TBC1D16: variants seen among roughly 807,000 people sequenced by gnomAD.
TBC1D16 encodes CTD-2529O21.1.
A neutral mutation model predicts 74.7 loss-of-function variants in TBC1D16; 58 were observed. That is an observed-to-expected ratio of 0.78 (90% CI 0.63 to 0.97). The LOEUF (loss-of-function observed/expected upper bound fraction) is 0.97, where lower values mean the gene tolerates loss of function less well. TBC1D16 is among the 50% of genes least tolerant of loss of function. TBC1D16 has a pLI of 0.00. For missense variants in TBC1D16, 1,014 were observed against 1,079.5 expected, an observed-to-expected ratio of 0.94 and a Z score of 0.85; for synonymous variants, 493 against 474.7, an observed-to-expected ratio of 1.04 and a Z score of -0.50.
rs568876395 is a variant in TBC1D16 at position 79,973,043 on chromosome 17, C to T, written c.780-20225G>A. ...GTTGCAGTGAGCCGAGATCGTCCTG[C>T]TACATTCCAGCCTGGGCAACAGAGC... is the stretch of plus-strand genomic sequence containing the variant. On this transcript the variant is annotated intron_variant, in intron 3 of 11. Transcript: ENST00000310924. 3.3e-5 allele frequency among the ~76,000 whole-genome samples: 5 copies of T among 152,302 alleles called. No individual in the cohort carries two copies. In the East Asian group the frequency reaches 7.7e-4, roughly 24 times the overall value.
rs1285633386 is a variant in TBC1D16 at position 80,013,381 on chromosome 17, C to T, written c.167G>A (p.Gly56Glu). 9.3e-6 allele frequency: 15 copies of T among 1,606,614 alleles called. No homozygotes were observed. The highest frequency in any genetic ancestry group is 1.7e-5 in the Admixed American group (1 of 59,188). The change falls in exon 2 of 12, where the codon GGG becomes GAG. Residue 56 changes from glycine (G) to glutamate (E), a missense_variant. Gly to Glu is a moderately conservative substitution (Grantham distance 98, BLOSUM62 -2). Transcript: ENST00000310924. Reference sequence around the variant, plus strand: ...CCCTGGCTCACCTGGGTGGTGCTCCCCCAGCCCCTGCAGCCCCTCCGGCGG... The same window carrying T: ...CCCTGGCTCACCTGGGTGGTGCTCCTCCAGCCCCTGCAGCCCCTCCGGCGG... ...VHPPEGLQGL[G>E]EHHPGYLCLY...
At chr17:80,006,652 TTTTC>T (rs1411437753) in intron 3 of TBC1D16, among the ~76,000 whole-genome samples, 9 of 151,572 alleles carry the variant, frequency 5.9e-5, no homozygotes, top group South Asian at 2.1e-4. Context: ...CTGCTTTTCT[TTTTC>T]TTTCTTTCTT....
At chr17:79,978,456 C>T (rs1034393570) in intron 3 of TBC1D16, among the ~76,000 whole-genome samples, 4 of 138,696 alleles carry the variant, frequency 2.9e-5, no homozygotes, top group Admixed American at 7.1e-5. Flanking sequence ...GCCGTGGGGG[C>T]GGGGTGGGGG....
At position 79,971,039 on chromosome 17, in the gene TBC1D16, T is replaced by C. The variant is rs1462469723; in HGVS notation, c.780-18221A>G. On this transcript the variant is annotated intron_variant, in intron 3 of 11. Coordinates refer to ENST00000310924, the MANE Select transcript of TBC1D16 (RefSeq NM_019020.4). This position sits in a 1 kb window ranked among gnomAD's most constrained non-coding sequence, Gnocchi z 4.6. ...CTGTATTTTTATTTTTTATTTTTTT[T>C]TGAGATGGAGTCTGTCTCCATTGCC... Among the ~76,000 whole-genome samples the C allele has an allele frequency of 6.6e-6, 1 of 151,940 alleles. No individual in the cohort carries two copies. Among genetic ancestry groups the C allele is most frequent in the African/African-American group, 2.4e-5 (1 of 41,362 alleles).
rs571572262 is a variant in TBC1D16 at position 79,952,906 on chromosome 17, A to G, written c.780-88T>C. 6.1e-6 allele frequency: 9 copies of G among 1,475,454 alleles called. No individual in the cohort carries two copies. The South Asian group carries it at 1.1e-4, about 19-fold the overall frequency. 91.4% of individuals were successfully genotyped at this position (1,475,454 alleles called of 1,614,324 possible). On this transcript the variant is annotated intron_variant, in intron 3 of 11. Transcript: ENST00000310924. ...ACGGGGGTCATGGGGGAGTCATTTA[A>G]ACCTACGCACCAAGCTTAAACACAC...
At chr17:80,003,689 G>A (rs2035575751) in intron 3 of TBC1D16, among the ~76,000 whole-genome samples, 1 of 151,766 alleles carries the variant, frequency 6.6e-6, no homozygotes, top group South Asian at 2.1e-4. Context: ...GCTAACACGT[G>A]GGCACACCTT....
chr17:79,983,576 G>A lies in TBC1D16; in HGVS notation c.779+26584C>T, dbSNP rs1358762293. 1.3e-5 allele frequency among the ~76,000 whole-genome samples: 2 copies of A among 152,206 alleles called. No homozygotes were observed. The highest frequency in any genetic ancestry group is 6.5e-5 in the Admixed American group (1 of 15,282). ...CACCGACGGCTACAAAGACGGGGAC[G>A]CTTTCCTAGGGCTCAAAGCAAGGCA... On this transcript the variant is annotated intron_variant, in intron 3 of 11. Transcript: ENST00000310924. This position sits in a 1 kb window ranked among gnomAD's most constrained non-coding sequence, Gnocchi z 5.6.
In TBC1D16 at chr17:79,985,499, C is replaced by G. The variant is rs1451326137; in HGVS notation, c.779+24661G>C. 6.6e-6 allele frequency among the ~76,000 whole-genome samples: 1 copy of G among 152,168 alleles called. No homozygotes were observed. Among genetic ancestry groups the G allele is most frequent in the Non-Finnish European group, 1.5e-5 (1 of 68,022 alleles). Reference sequence around the variant, plus strand: ...TGTGGGTGCGAAGCAGGACTGCCCCCCAAGGCCAGGCAGGTCCTCGAGGAG... The same window carrying G: ...TGTGGGTGCGAAGCAGGACTGCCCCGCAAGGCCAGGCAGGTCCTCGAGGAG... On this transcript the variant is annotated intron_variant, in intron 3 of 11. Transcript: ENST00000310924. The surrounding 1 kb of genome is among the most constrained non-coding windows in gnomAD (Gnocchi z 4.9).
chr17:79,966,921 A>T (rs2144019452), intron 3 of TBC1D16, among the ~76,000 whole-genome samples: 1 of 152,362 alleles, frequency 6.6e-6, no homozygotes, highest in Non-Finnish European at 1.5e-5. Flanking sequence ...AGATGGATGT[A>T]AGACACTAGA....
At chr17:79,977,471 G>C (rs72847498) in intron 3 of TBC1D16, among the ~76,000 whole-genome samples, 16,750 of 152,282 alleles carry the variant, frequency 0.11, 1,111 homozygotes, top group East Asian at 0.21. Flanking sequence ...TGGTCCCCCA[G>C]GCAAGGGTGA....
At chr17:79,962,986 G>A (rs555862745) in intron 3 of TBC1D16, among the ~76,000 whole-genome samples, 21 of 151,402 alleles carry the variant, frequency 1.4e-4, no homozygotes, top group Admixed American at 9.9e-4. Flanking sequence ...GGAGGCAGAG[G>A]TTGCAGTGAG....
chr17:80,025,078 CAT>C (rs1205031723), intron 1 of TBC1D16, among the ~76,000 whole-genome samples: 1 of 5,750 alleles, frequency 1.7e-4, no homozygotes. Flanking sequence ...CACACACACA[CAT>C]ACCATGACAC....
Position 79,990,619 on chromosome 17 carries a change from C to T in TBC1D16, c.779+19541G>A, listed in dbSNP as rs368048194. Reference sequence around the variant, plus strand: ...ATGTCCATAACATAAAATTCACCACCTTAACCGTTTTCAACGTCGAGCCCA... The same window carrying T: ...ATGTCCATAACATAAAATTCACCACTTTAACCGTTTTCAACGTCGAGCCCA... On this transcript the variant is annotated intron_variant, in intron 3 of 11. Transcript: ENST00000310924. This position sits in a 1 kb window ranked among gnomAD's most constrained non-coding sequence, Gnocchi z 4.8. 1.1e-4 allele frequency among the ~76,000 whole-genome samples: 17 copies of T among 152,222 alleles called. No homozygotes were observed. The highest frequency in any genetic ancestry group is 4.1e-4 in the African/African-American group (17 of 41,462).
At position 80,032,473 on chromosome 17, in the gene TBC1D16, G is replaced by C. The variant is rs183226032; in HGVS notation, c.-63+3322C>G. ...TCATCCTTTGAGGATGGTTATGTAA[G>C]TTCCGAAGACAGAGTAAAGAACGTA... On this transcript the variant is annotated intron_variant, in intron 1 of 11. Transcript: ENST00000310924. Among the ~76,000 whole-genome samples, 13 of 152,308 alleles carry C rather than the reference G, an allele frequency of 8.5e-5. No homozygotes were observed. The East Asian group carries it at 2.3e-3, about 27-fold the overall frequency.
chr17:80,035,863 C>G lies in TBC1D16; in HGVS notation c.-131G>C, dbSNP rs1462874970. 1.4e-5 allele frequency: 2 copies of G among 146,588 alleles called. No homozygotes were observed. Among genetic ancestry groups the G allele is most frequent in the Non-Finnish European group, 1.5e-5 (1 of 65,832 alleles). 9.1% of individuals were successfully genotyped at this position (146,588 alleles called of 1,614,324 possible). ...CCGCCACCGTCGCCTCCGCCGCTGC[C>G]GCCGCCAGTGAGGCGCGGCGGGGCG... On this transcript the variant is annotated 5_prime_UTR_variant, in exon 1 of 12. Coordinates refer to ENST00000310924, the MANE Select transcript of TBC1D16 (RefSeq NM_019020.4). This position sits in a 1 kb window ranked among gnomAD's most constrained non-coding sequence, Gnocchi z 5.3.
rs2034292471 is a variant in TBC1D16 at position 79,975,434 on chromosome 17, C to T, written c.780-22616G>A. On this transcript the variant is annotated intron_variant, in intron 3 of 11. Coordinates refer to ENST00000310924, the MANE Select transcript of TBC1D16 (RefSeq NM_019020.4). The surrounding 1 kb of genome is among the most constrained non-coding windows in gnomAD (Gnocchi z 4.5). ...CCTCCTACATGGCCTACTTAAAAGG[C>T]TGCTGAGAGCCAGCCAGGTGTTCTT... is the stretch of plus-strand genomic sequence containing the variant. 6.6e-6 allele frequency among the ~76,000 whole-genome samples: 1 copy of T among 152,204 alleles called. No individual in the cohort carries two copies. The highest frequency in any genetic ancestry group is 1.5e-5 in the Non-Finnish European group (1 of 68,032).
intron 3 of TBC1D16, among the ~76,000 whole-genome samples, chr17:79,998,283 A>G (rs547684658): frequency 1.3e-5 from 2 of 151,154 alleles, no homozygotes; most frequent in South Asian, 2.1e-4. Flanking sequence ...CTTTTCCAGA[A>G]TGTCCTAGAG....
At chr17:79,943,434 C>T (rs80247337) in intron 10 of TBC1D16, among the ~76,000 whole-genome samples, 3,800 of 152,252 alleles carry the variant, frequency 0.025, 76 homozygotes, top group Non-Finnish European at 0.04. Context: ...CGTCCAGCCC[C>T]ACCACATGCT....
intron 3 of TBC1D16, among the ~76,000 whole-genome samples, chr17:79,974,249 CT>C (rs2034238343): frequency 4.0e-5 from 6 of 148,254 alleles, no homozygotes; most frequent in Admixed American, 4.0e-4. Flanking sequence ...TTTTTTTTTT[CT>C]CTTTTTTGAG....
Sources: allele counts gnomAD v4.1 joint callset (sites outside exome capture counted in the v4.1 genomes callset), GRCh38; gene constraint gnomAD v4.1.1; non-coding constraint Gnocchi (gnomAD v3.1); transcripts MANE v1.5; gene names NCBI Gene and HGNC (gene_info 2026-07-23, HGNC 2026-07-21).